Variants in ART4 observed in about 807,000 individuals in gnomAD.
The protein encoded by ART4 is ADP-ribosyltransferase 4 (inactive) (Dombrock blood group).
ART4 carries 14 observed loss-of-function variants against 24.2 expected under a neutral mutation model. That is an observed-to-expected ratio of 0.58 (90% CI 0.38 to 0.90). The LOEUF (loss-of-function observed/expected upper bound fraction) is 0.90. Ranked by LOEUF, ART4 falls within the 40% of genes least tolerant of loss-of-function variation. The pLI is 0.00. For synonymous variants in ART4, 145 were observed against 139.9 expected (o/e 1.04, Z -0.26); for missense variants, 356 against 366.6 (o/e 0.97, Z 0.24).
chr12:14,829,024 T>G lies in ART4; in HGVS notation c.*347A>C, dbSNP rs1275540632. The G allele has an allele frequency of 6.1e-6, 1 of 163,886 alleles. No individual in the cohort carries two copies. The highest frequency in any genetic ancestry group is 2.4e-5 in the African/African-American group (1 of 41,830). The allele number at this position is 163,886 out of a possible 1,614,324, so 10.2% of individuals were successfully genotyped here. ...CTCACAGGCTCTGATTGGATCATTT[T>G]CTATTCCAGCATGAATCTTTGTGTC... is the stretch of plus-strand genomic sequence containing the variant. On this transcript the variant is annotated 3_prime_UTR_variant, in exon 3 of 3. Transcript: ENST00000228936.
intron 2 of ART4, among the ~76,000 whole-genome samples, chr12:14,837,807 A>C (rs1950441190): frequency 6.6e-6 from 1 of 152,142 alleles, no homozygotes; most frequent in Non-Finnish European, 1.5e-5. Context: ...GAGCCACCGC[A>C]CTTGGCCAAT....
intron 2 of ART4, among the ~76,000 whole-genome samples, chr12:14,840,081 G>A (rs776342719): frequency 1.3e-5 from 2 of 152,142 alleles, no homozygotes; most frequent in Non-Finnish European, 2.9e-5. Flanking sequence ...TAAATATCTT[G>A]CCTCTTGCTT....
chr12:14,843,027 G>A lies in ART4; in HGVS notation c.87C>T (p.Gly29=). The A allele has an allele frequency of 6.2e-7, 1 of 1,614,006 alleles. No individual in the cohort carries two copies. Among genetic ancestry groups the A allele is most frequent in the Non-Finnish European group, 8.5e-7 (1 of 1,179,964 alleles). The change falls in exon 1 of 3, where the codon GGC becomes GGT. Residue 29 remains glycine (G), a synonymous_variant. Coordinates refer to ENST00000228936, the MANE Select transcript of ART4 (RefSeq NM_021071.4). The part of the protein sequence containing the change: ...PATMRIWLLG[G]LLPFLLLLSG... ...AGAGGAGCAGCAGGAATGGCAGCAG[G>A]CCTCCAAGGAGCCAGATTCTCATCG...
At chr12:14,837,855 G>T (rs1950441442) in intron 2 of ART4, among the ~76,000 whole-genome samples, 1 of 152,098 alleles carries the variant, frequency 6.6e-6, no homozygotes, top group South Asian at 2.1e-4. Flanking sequence ...AAAGTCTTCT[G>T]AGGTTCTGTT....
chr12:14,841,929 A>G (rs1228180939), intron 1 of ART4, among the ~76,000 whole-genome samples: 1 of 152,160 alleles, frequency 6.6e-6, no homozygotes, highest in Non-Finnish European at 1.5e-5. Context: ...CAGCACACCC[A>G]GTTGTTTTTT....
chr12:14,828,139 T>C lies in ART4; in HGVS notation c.*1232A>G, dbSNP rs1950370886. On this transcript the variant is annotated 3_prime_UTR_variant, in exon 3 of 3. Transcript: ENST00000228936. ...TCCAGCTATACAATTCAACAATTTA[T>C]ACTTCTTTGCATGTACTAGTTTACA... The C allele has an allele frequency of 6.6e-6, 1 of 152,226 alleles. No individual in the cohort carries two copies. The highest frequency in any genetic ancestry group is 2.4e-5 in the African/African-American group (1 of 41,448). The allele number at this position is 152,226 out of a possible 1,614,324, so 9.4% of individuals were successfully genotyped here.
intron 2 of ART4, among the ~76,000 whole-genome samples, chr12:14,832,111 T>A (rs1428910759): frequency 6.6e-6 from 1 of 152,114 alleles, no homozygotes; most frequent in Admixed American, 6.5e-5. Context: ...GGCTGCTAGG[T>A]CAGTTTTGAC....
chr12:14,826,347 A>G lies in ART4; in HGVS notation c.*3024T>C, dbSNP rs1336806760. The stretch of plus-strand genomic sequence containing the variant: ...CAGCAGCAGGAGTTAGAACTAAGTT[A>G]TCTTTTTTAGAAACTTGGCTATTCC... On this transcript the variant is annotated 3_prime_UTR_variant, in exon 3 of 3. Transcript: ENST00000228936. The G allele has an allele frequency of 6.6e-6, 1 of 152,238 alleles. No homozygotes were observed. Among genetic ancestry groups the G allele is most frequent in the Non-Finnish European group, 1.5e-5 (1 of 68,044 alleles). The allele number at this position is 152,238 out of a possible 1,614,324, so 9.4% of individuals were successfully genotyped here. A position where few individuals can be genotyped will look rare whatever the true frequency, so the allele number is the denominator to read the frequency against.
At chr12:14,832,932 C>T (rs887607074) in intron 2 of ART4, among the ~76,000 whole-genome samples, 74 of 151,980 alleles carry the variant, frequency 4.9e-4, no homozygotes, top group African/African-American at 1.8e-3. Flanking sequence ...TTACATGGAC[C>T]ATATATTTAG....
At chr12:14,840,304 T>C (rs913479273) in intron 2 of ART4, 141 bp downstream of exon 2, 1 of 667,128 alleles carries the variant, frequency 1.5e-6, no homozygotes, top group African/African-American at 1.8e-5. Context: ...GTGGATTTTC[T>C]CTAATCTATC....
chr12:14,834,920 C>T (rs949719125), intron 2 of ART4, among the ~76,000 whole-genome samples: 3 of 152,134 alleles, frequency 2.0e-5, no homozygotes, highest in South Asian at 4.1e-4. Context: ...GCAACAGATT[C>T]CTGGAAACTC....
intron 2 of ART4, among the ~76,000 whole-genome samples, chr12:14,838,534 C>T (rs1950445051): frequency 6.6e-6 from 1 of 152,154 alleles, no homozygotes; most frequent in East Asian, 1.9e-4. Flanking sequence ...TCATATTCTA[C>T]TATAGTTTTT....
Position 14,829,301 on chromosome 12 carries a change from T to G in ART4, c.*70A>C. On this transcript the variant is annotated 3_prime_UTR_variant, in exon 3 of 3. Transcript: ENST00000228936. ...TTCCTGGAAAATAAATGTCCATTTC[T>G]AGCCAAAAGGCCAATAAAAAAGATT... is the stretch of plus-strand genomic sequence containing the variant. The G allele has an allele frequency of 9.1e-7, 1 of 1,096,640 alleles. No individual in the cohort carries two copies. The highest frequency in any genetic ancestry group is 1.3e-6 in the Non-Finnish European group (1 of 782,610). The allele number at this position is 1,096,640 out of a possible 1,614,324, so 67.9% of individuals were successfully genotyped here.
chr12:14,829,194 A>G lies in ART4; in HGVS notation c.*177T>C. On this transcript the variant is annotated 3_prime_UTR_variant, in exon 3 of 3. Transcript: ENST00000228936. ...AGGGTGCCCAGATTGAAATAAGGCA[A>G]AGGGGTACAAGGAAAGGCATAAGAG... The G allele has an allele frequency of 2.2e-6, 1 of 456,046 alleles. No homozygotes were observed. The highest frequency in any genetic ancestry group is 3.8e-6 in the Non-Finnish European group (1 of 264,134). 28.2% of individuals were successfully genotyped at this position (456,046 alleles called of 1,614,324 possible).
At chr12:14,834,140 G>C (rs1950413678) in intron 2 of ART4, among the ~76,000 whole-genome samples, 1 of 152,156 alleles carries the variant, frequency 6.6e-6, no homozygotes, top group African/African-American at 2.4e-5. Flanking sequence ...ATTTGCACAA[G>C]GTCACCTAGC....
rs1950458153 is a variant in ART4 at position 14,840,338 on chromosome 12, G to C, written c.853+107C>G. ...TCAGTTCCATCATTACCGAAGGCTA[G>C]TTTTCATGTTTTTGATCTTTCCCCA... On this transcript the variant is annotated intron_variant, in intron 2 of 2. Coordinates refer to ENST00000228936, the MANE Select transcript of ART4 (RefSeq NM_021071.4). 11 of 938,816 alleles carry C rather than the reference G, an allele frequency of 1.2e-5. No homozygotes were observed. In the East Asian group the frequency reaches 2.9e-4, roughly 24 times the overall value. 58.2% of individuals were successfully genotyped at this position (938,816 alleles called of 1,614,324 possible).
At chr12:14,829,709 A>G (rs1334070975) in intron 2 of ART4, among the ~76,000 whole-genome samples, 1 of 152,204 alleles carries the variant, frequency 6.6e-6, no homozygotes, top group Non-Finnish European at 1.5e-5. Flanking sequence ...GTAGAGATCT[A>G]ATTTTCCATC....
At chr12:14,836,336 T>C (rs1251583055) in intron 2 of ART4, among the ~76,000 whole-genome samples, 1 of 151,938 alleles carries the variant, frequency 6.6e-6, no homozygotes, top group Admixed American at 6.6e-5. Context: ...TGAAATAAAA[T>C]GAGGGTCACT....
intron 2 of ART4, among the ~76,000 whole-genome samples, chr12:14,834,746 G>A (rs1950417862): frequency 6.6e-6 from 1 of 152,130 alleles, no homozygotes; most frequent in South Asian, 2.1e-4. Flanking sequence ...TCTTCCAATG[G>A]GCATGAAGAC....
Sources: gnomAD v4.1 joint callset for allele counts (sites outside exome capture counted in the v4.1 genomes callset) on GRCh38, gnomAD v4.1.1 for gene constraint, MANE v1.5 for transcripts, NCBI Gene and HGNC (gene_info 2026-07-23, HGNC 2026-07-21) for gene names.